PTPRQ: variants seen among roughly 807,000 people sequenced by gnomAD.
The protein encoded by PTPRQ is protein tyrosine phosphatase receptor type Q.
PTPRQ carries 199 observed loss-of-function variants against 246.0 expected under a neutral mutation model. That is an observed-to-expected ratio of 0.81 (90% CI 0.72 to 0.91). The LOEUF (loss-of-function observed/expected upper bound fraction) is 0.91. PTPRQ is among the 40% of genes least tolerant of loss of function. The pLI, the probability that PTPRQ is intolerant of heterozygous loss-of-function variation, is 0.00. For missense variants in PTPRQ, 2,624 were observed against 2,528.4 expected (o/e 1.04, Z -0.81); for synonymous variants, 869 against 853.2 (o/e 1.02, Z -0.32).
intron 25 of PTPRQ, among the ~76,000 whole-genome samples, chr12:80,567,925 G>T (rs1055957984): frequency 6.6e-6 from 1 of 152,040 alleles, no homozygotes; most frequent in Non-Finnish European, 1.5e-5. Flanking sequence ...TATAATATTA[G>T]CCCTGCGAGG....
At chr12:80,448,393 C>T (rs886727328) in intron 3 of PTPRQ, among the ~76,000 whole-genome samples, 15 of 152,032 alleles carry the variant, frequency 9.9e-5, no homozygotes, top group African/African-American at 3.6e-4. Context: ...AATTATTGTA[C>T]TTTAAGTTTT....
intron 9 of PTPRQ, among the ~76,000 whole-genome samples, chr12:80,492,764 T>C (rs941474962): frequency 3.3e-5 from 5 of 151,980 alleles, no homozygotes; most frequent in Non-Finnish European, 5.9e-5. Flanking sequence ...CTATTAATAT[T>C]ACCATGTAGT....
At chr12:80,667,590 G>A (rs988273801) in intron 39 of PTPRQ, among the ~76,000 whole-genome samples, 2 of 151,780 alleles carry the variant, frequency 1.3e-5, no homozygotes, top group African/African-American at 4.8e-5. Context: ...TCTTTGGTCA[G>A]TGATGAACCC....
At chr12:80,585,203 C>G (rs1422630684) in intron 25 of PTPRQ, among the ~76,000 whole-genome samples, 1 of 152,032 alleles carries the variant, frequency 6.6e-6, no homozygotes, top group Admixed American at 6.6e-5. Flanking sequence ...AAGCTTACCC[C>G]TCTTACGGTC....
chr12:80,524,586 C>T (rs61017660), intron 17 of PTPRQ, among the ~76,000 whole-genome samples: 1 of 152,058 alleles, frequency 6.6e-6, no homozygotes, highest in Non-Finnish European at 1.5e-5. Context: ...GTCTGACCTC[C>T]CATCCTGTCA....
chr12:80,648,911 G>T lies in PTPRQ; in HGVS notation c.5930G>T (p.Arg1977Ile). The T allele has an allele frequency of 6.6e-7, 1 of 1,523,782 alleles. No individual in the cohort carries two copies. Among genetic ancestry groups the T allele is most frequent in the South Asian group, 1.3e-5 (1 of 78,244 alleles). The allele number at this position is 1,523,782 out of a possible 1,614,324, so 94.4% of individuals were successfully genotyped here. A position where few individuals can be genotyped will look rare whatever the true frequency, so the allele number is the denominator to read the frequency against. ...DERLTRLLSY[R>I]KSIKPISKKS... ...CTCTATTGCAGGTTACTTAGTTATA[G>T]AAAATCCATCAAGTAAGTTTGTTAA... Residue 1977 changes from arginine to isoleucine, a missense_variant, in exon 36 of 45, where the codon AGA (arginine) becomes ATA (isoleucine). Coordinates refer to ENST00000644991, the MANE Select transcript of PTPRQ (RefSeq NM_001145026.2).
Position 80,611,932 on chromosome 12 carries a change from ACAATAGTACGTTTAT to A in PTPRQ, c.4918+1309_4918+1323del, listed in dbSNP as rs1898568343. On this transcript the variant is annotated intron_variant, in intron 28 of 44. Transcript: ENST00000644991. Reference sequence around the variant, plus strand: ...TTCCATTTAAAATGAAATATTTGACACAATAGTACGTTTATCTGCTTCTCTCTCTTTTATTCTTTG... The same window carrying A: ...TTCCATTTAAAATGAAATATTTGACACTGCTTCTCTCTCTTTTATTCTTTG... Among the ~76,000 whole-genome samples the A allele has an allele frequency of 3.3e-5, 5 of 150,562 alleles. 1 individual carries two copies. Among genetic ancestry groups the A allele is most frequent in the African/African-American group, 1.2e-4 (5 of 41,374 alleles).
intron 17 of PTPRQ, among the ~76,000 whole-genome samples, chr12:80,522,691 C>G (rs563868595): frequency 1.3e-5 from 2 of 152,140 alleles, no homozygotes; most frequent in Non-Finnish European, 2.9e-5. Flanking sequence ...GTGGAGCCAG[C>G]CTTGCATCCC....
chr12:80,664,706 G>A (rs1227919564), intron 39 of PTPRQ, among the ~76,000 whole-genome samples: 1 of 151,614 alleles, frequency 6.6e-6, no homozygotes, highest in Non-Finnish European at 1.5e-5. Context: ...AATAAGACTT[G>A]GATACTAAGC....
At chr12:80,615,938 G>C (rs796679303) in intron 29 of PTPRQ, among the ~76,000 whole-genome samples, 3 of 150,946 alleles carry the variant, frequency 2.0e-5, no homozygotes, top group African/African-American at 7.3e-5. Flanking sequence ...TTTAGTACCA[G>C]AACATCAATT....
At chr12:80,631,322 A>G (rs1269922012) in intron 33 of PTPRQ, among the ~76,000 whole-genome samples, 1 of 152,202 alleles carries the variant, frequency 6.6e-6, no homozygotes. Context: ...TTTATCTTAT[A>G]TAACAAACAT....
chr12:80,619,661 A>T, intron 31 of PTPRQ, 119 bp downstream of exon 31: 1 of 692,062 alleles, frequency 1.4e-6, no homozygotes, highest in Non-Finnish European at 2.0e-6. Flanking sequence ...TGAGATTAAT[A>T]GATTGTCAAT....
At chr12:80,673,406 C>A in intron 43 of PTPRQ, 102 bp downstream of exon 43, 1 of 1,453,770 alleles carries the variant, frequency 6.9e-7, no homozygotes, top group Non-Finnish European at 9.1e-7. Flanking sequence ...AAGCTGTGGA[C>A]ACCTTCTTTT....
chr12:80,582,871 AAAC>A (rs971089478), intron 25 of PTPRQ, among the ~76,000 whole-genome samples: 3 of 152,170 alleles, frequency 2.0e-5, no homozygotes, highest in African/African-American at 7.2e-5. Context: ...ACAAAAACAA[AAAC>A]AAAAACAAAA....
chr12:80,524,939 T>A (rs1238373486), intron 17 of PTPRQ, among the ~76,000 whole-genome samples: 1 of 152,154 alleles, frequency 6.6e-6, no homozygotes, highest in Non-Finnish European at 1.5e-5. Flanking sequence ...ATTTATAGGA[T>A]TATAGAAGTC....
At chr12:80,459,925 A>G (rs1191670547) in intron 5 of PTPRQ, among the ~76,000 whole-genome samples, 1 of 152,198 alleles carries the variant, frequency 6.6e-6, no homozygotes, top group African/African-American at 2.4e-5. Flanking sequence ...GTAGGGTAAT[A>G]GTTGAGGTTA....
chr12:80,542,286 T>C lies in PTPRQ; in HGVS notation c.3643T>C (p.Tyr1215His). 1 of 1,550,138 alleles carries C rather than the reference T, an allele frequency of 6.5e-7. No individual in the cohort carries two copies. The highest frequency in any genetic ancestry group is 8.7e-7 in the Non-Finnish European group (1 of 1,146,426). Residue 1215 changes from tyrosine (Y) to histidine (H), a missense_variant, in exon 22 of 45, where the codon TAT (tyrosine) becomes CAT (histidine). Transcript: ENST00000644991. ...ILEELSPFTL[Y>H]SFFAAARTRK... is the part of the protein sequence containing the mutation. Reference sequence around the variant, plus strand: ...GGAAGAGCTTTCACCATTTACATTATATAGCTTTTTTGCTGCCGCAAGAAC... The same window carrying C: ...GGAAGAGCTTTCACCATTTACATTACATAGCTTTTTTGCTGCCGCAAGAAC...
rs764115113 is a variant in PTPRQ, at chr12:80,459,290, G to A, written c.467G>A (p.Gly156Glu). The A allele has an allele frequency of 3.5e-5, 14 of 398,188 alleles. No individual in the cohort carries two copies. The highest frequency in any genetic ancestry group is 6.2e-5 in the Non-Finnish European group (14 of 225,902). The allele number at this position is 398,188 out of a possible 1,614,324, so 24.7% of individuals were successfully genotyped here. Residue 156 changes from glycine (G) to glutamate (E), a missense_variant, in exon 5 of 45, where the codon GGA becomes GAA. Physicochemically the swap from Gly to Glu is moderately conservative, Grantham distance 98. Coordinates refer to ENST00000644991, the MANE Select transcript of PTPRQ (RefSeq NM_001145026.2). ...CAATCTTTCTCTTCCCCAGCTCCAG[G>A]AAAAGTGGTGAATCTCACAGTTGAG... ...FLFQTAESAP[G>E]KVVNLTVEAY...
intron 23 of PTPRQ, among the ~76,000 whole-genome samples, chr12:80,543,111 A>G (rs1461971927): frequency 6.6e-6 from 1 of 152,112 alleles, no homozygotes; most frequent in Admixed American, 6.6e-5. Flanking sequence ...ACTTCCAGAT[A>G]TCTACAATTT....
Sources: allele counts gnomAD v4.1 joint callset (sites outside exome capture counted in the v4.1 genomes callset), GRCh38; gene constraint gnomAD v4.1.1; transcripts MANE v1.5; gene names NCBI Gene and HGNC (gene_info 2026-07-23, HGNC 2026-07-21).